The following SPON1 variants were observed in gnomAD, a reference collection of about 807,000 sequenced individuals.
SPON1 encodes spondin 1.
Under a neutral mutation model 111.7 loss-of-function variants are expected in SPON1, and 52 were observed. The ratio of observed to expected loss-of-function variants is 0.47; its 90% CI spans 0.37 to 0.59. SPON1 has a LOEUF of 0.59. SPON1 is among the 20% of genes least tolerant of loss of function. SPON1 has a pLI of 0.00. For synonymous variants in SPON1, 410 were observed against 395.8 expected, an observed-to-expected ratio of 1.04 and a Z score of -0.43; for missense variants, 957 against 1,068.5, an observed-to-expected ratio of 0.90 and a Z score of 1.46.
intron 2 of SPON1, among the ~76,000 whole-genome samples, chr11:14,040,114 A>G (rs1554917130): frequency 1.3e-5 from 2 of 152,206 alleles, no homozygotes; most frequent in Non-Finnish European, 2.9e-5. Context: ...TGAAATTAAT[A>G]TGACTATACC....
At chr11:14,173,189 T>A (rs1554932699) in intron 6 of SPON1, among the ~76,000 whole-genome samples, 1 of 151,974 alleles carries the variant, frequency 6.6e-6, no homozygotes, top group Admixed American at 6.6e-5. Flanking sequence ...GGTTTGTTCG[T>A]TTCTTTTTAT....
chr11:14,266,660 C>A lies in SPON1; in HGVS notation c.*973C>A, dbSNP rs560574885. 1 of 152,270 alleles carries A rather than the reference C, an allele frequency of 6.6e-6. No individual in the cohort carries two copies. Among genetic ancestry groups the A allele is most frequent in the Non-Finnish European group, 1.5e-5 (1 of 68,030 alleles). 9.4% of individuals were successfully genotyped at this position (152,270 alleles called of 1,614,324 possible). A position where few individuals can be genotyped will look rare whatever the true frequency, so the allele number is the denominator to read the frequency against. ...TTTTGCTAAGTCTGCCCAAAGCCCC[C>A]CCAATGCATTCCTTCAACAAAATAC... On this transcript the variant is annotated 3_prime_UTR_variant, in exon 16 of 16. Transcript: ENST00000576479.
intron 6 of SPON1, among the ~76,000 whole-genome samples, chr11:14,141,239 T>A (rs1847652867): frequency 6.6e-6 from 1 of 152,200 alleles, no homozygotes; most frequent in Non-Finnish European, 1.5e-5. Flanking sequence ...ATTTTTGTAA[T>A]GTGTTTTGTT....
intron 5 of SPON1, among the ~76,000 whole-genome samples, chr11:14,107,268 C>T (rs1325580606): frequency 2.0e-5 from 3 of 152,062 alleles, no homozygotes; most frequent in African/African-American, 7.2e-5. Context: ...GTTGCACACA[C>T]CCTGGGAAAA....
chr11:14,103,990 T>C (rs1282005928), intron 5 of SPON1, among the ~76,000 whole-genome samples: 1 of 152,220 alleles, frequency 6.6e-6, no homozygotes, highest in Non-Finnish European at 1.5e-5. Flanking sequence ...CATTATGCTC[T>C]CATTATTAAG....
At chr11:14,150,815 G>A (rs1847778529) in intron 6 of SPON1, among the ~76,000 whole-genome samples, 1 of 152,214 alleles carries the variant, frequency 6.6e-6, no homozygotes, top group African/African-American at 2.4e-5. Flanking sequence ...GGAGCACAGT[G>A]TAGGGCTTAA....
intron 3 of SPON1, among the ~76,000 whole-genome samples, chr11:14,069,461 G>A (rs911109171): frequency 3.3e-5 from 5 of 151,928 alleles, no homozygotes; most frequent in South Asian, 2.1e-4. Context: ...CTTCAGAGCC[G>A]CCGCCATCAT....
intron 6 of SPON1, among the ~76,000 whole-genome samples, chr11:14,206,140 C>T (rs1334975406): frequency 2.0e-5 from 3 of 152,112 alleles, no homozygotes; most frequent in Admixed American, 6.5e-5. Context: ...CTTCACTTAA[C>T]ACTGTATCAT....
At chr11:13,980,001 T>C (rs1848131698) in intron 1 of SPON1, among the ~76,000 whole-genome samples, 1 of 151,962 alleles carries the variant, frequency 6.6e-6, no homozygotes, top group Admixed American at 6.6e-5. Context: ...ACACTACACT[T>C]TTCTTACTCT....
At chr11:14,068,781 T>C (rs925411078) in intron 3 of SPON1, among the ~76,000 whole-genome samples, 3 of 152,222 alleles carry the variant, frequency 2.0e-5, no homozygotes, top group Non-Finnish European at 2.9e-5. Context: ...GTAGCACTTG[T>C]AGATGATTGT....
At chr11:14,028,847 G>A (rs1342506029) in intron 2 of SPON1, among the ~76,000 whole-genome samples, 1 of 152,134 alleles carries the variant, frequency 6.6e-6, no homozygotes, top group Non-Finnish European at 1.5e-5. Context: ...ACCTATGTCT[G>A]CTGGCTCCAA....
At chr11:14,227,939 C>T (rs1266872769) in intron 6 of SPON1, among the ~76,000 whole-genome samples, 15 of 152,204 alleles carry the variant, frequency 9.9e-5, no homozygotes, top group Admixed American at 9.8e-4. Context: ...TTTTCATTAT[C>T]ATATTATTTA....
At chr11:14,167,265 C>G (rs1250665374) in intron 6 of SPON1, among the ~76,000 whole-genome samples, 1 of 151,970 alleles carries the variant, frequency 6.6e-6, no homozygotes, top group Non-Finnish European at 1.5e-5. Context: ...TAGAAAGAGA[C>G]ATAATTTATA....
intron 2 of SPON1, among the ~76,000 whole-genome samples, chr11:14,019,884 T>G (rs1434032354): frequency 6.6e-6 from 1 of 152,192 alleles, no homozygotes; most frequent in African/African-American, 2.4e-5. Context: ...AACACTCTCC[T>G]CATAGGCCAC....
intron 1 of SPON1, among the ~76,000 whole-genome samples, chr11:13,982,459 A>G (rs956506394): frequency 6.6e-5 from 10 of 152,246 alleles, no homozygotes; most frequent in African/African-American, 2.2e-4. Flanking sequence ...AGGTCATCCT[A>G]CAGGATTTTG....
In SPON1 at chr11:14,259,763, C is replaced by T. The variant is rs554734509; in HGVS notation, c.1831+62C>T. ...TGGGGACAGGCGTGGAGGGCCATGG[C>T]ATCCACTATTACCACCATAAAGGTC... On this transcript the variant is annotated intron_variant, in intron 13 of 15. Coordinates refer to ENST00000576479, the MANE Select transcript of SPON1 (RefSeq NM_006108.4). This position sits in a 1 kb window ranked among gnomAD's most constrained non-coding sequence, Gnocchi z 5.0. 1.3e-6 allele frequency: 2 copies of T among 1,494,726 alleles called. No homozygotes were observed. The highest frequency in any genetic ancestry group is 1.4e-5 in the African/African-American group (1 of 72,294). 92.6% of individuals were successfully genotyped at this position (1,494,726 alleles called of 1,614,324 possible).
chr11:13,986,039 G>C (rs572717781), intron 2 of SPON1, among the ~76,000 whole-genome samples: 1 of 152,204 alleles, frequency 6.6e-6, no homozygotes, highest in Non-Finnish European at 1.5e-5. Context: ...TATCTTTGGA[G>C]TCCTTGATTT....
At chr11:13,964,818 G>T (rs1448840040) in intron 1 of SPON1, among the ~76,000 whole-genome samples, 2 of 152,154 alleles carry the variant, frequency 1.3e-5, no homozygotes, top group African/African-American at 4.8e-5. Flanking sequence ...GACTTCAGTG[G>T]CCTATTCGGC....
chr11:14,249,327 G>C (rs888425609), intron 7 of SPON1, among the ~76,000 whole-genome samples: 1 of 152,168 alleles, frequency 6.6e-6, no homozygotes, highest in African/African-American at 2.4e-5. Flanking sequence ...ACCTGCACAG[G>C]TCCACCGATG....
Sources: gnomAD v4.1 joint callset for allele counts (sites outside exome capture counted in the v4.1 genomes callset) on GRCh38, gnomAD v4.1.1 for gene constraint, Gnocchi (gnomAD v3.1) non-coding constraint, MANE v1.5 for transcripts, NCBI Gene and HGNC (gene_info 2026-07-23, HGNC 2026-07-21) for gene names.